MBD5: variants seen among roughly 807,000 people sequenced by gnomAD.
The protein encoded by MBD5 is methyl-CpG binding domain protein 5, also known as methyl-CpG-binding domain protein 5.
A neutral mutation model predicts 117.3 loss-of-function variants in MBD5; 13 were observed. That is an observed-to-expected ratio of 0.11 (90% CI 0.07 to 0.18). MBD5 has a LOEUF of 0.18. Ranked by LOEUF, MBD5 falls within the 10% of genes least tolerant of loss-of-function variation. The pLI is 1.00. For missense variants in MBD5, 1,879 were observed against 2,093.8 expected (o/e 0.90, Z 2.00); for synonymous variants, 727 against 766.4 (o/e 0.95, Z 0.85).
chr2:148,160,144 A>C (rs1697971611), intron 1 of MBD5, among the ~76,000 whole-genome samples: 1 of 152,218 alleles, frequency 6.6e-6, no homozygotes, highest in African/African-American at 2.4e-5. Flanking sequence ...TCACGCCTGT[A>C]ATCCCAGCAC....
chr2:148,326,229 A>G (rs1341421915), intron 3 of MBD5, among the ~76,000 whole-genome samples: 3 of 152,142 alleles, frequency 2.0e-5, no homozygotes, highest in Non-Finnish European at 4.4e-5. Flanking sequence ...GTTCTTTTAC[A>G]TTTGCTGAGG....
At chr2:148,042,238 C>G (rs1002093845) in intron 1 of MBD5, among the ~76,000 whole-genome samples, 4 of 152,158 alleles carry the variant, frequency 2.6e-5, no homozygotes, top group African/African-American at 9.7e-5. Context: ...GGCACTCTTA[C>G]ACTAAGAGTT....
chr2:148,425,437 A>G (rs1282221648), intron 4 of MBD5, among the ~76,000 whole-genome samples: 1 of 152,232 alleles, frequency 6.6e-6, no homozygotes, highest in Non-Finnish European at 1.5e-5. Context: ...ACAGGTTCAC[A>G]GCCAAATTCT....
In MBD5 at chr2:148,227,640, A is replaced by G. The variant is rs1020460121; in HGVS notation, c.-830-5605A>G. Among the ~76,000 whole-genome samples, 104 of 152,268 alleles carry G rather than the reference A, an allele frequency of 6.8e-4. 2 individuals carry two copies. Among genetic ancestry groups the G allele is most frequent in the African/African-American group, 2.5e-3 (103 of 41,538 alleles). On this transcript the variant is annotated intron_variant, in intron 2 of 13. Coordinates refer to ENST00000642680, the MANE Select transcript of MBD5 (RefSeq NM_001378120.1). ...ATGAACTTTAAAGTAGATTTTTCCA[A>G]TTCTGTGAAGAAAGTCTTTGGTAGC... is the stretch of plus-strand genomic sequence containing the variant.
chr2:148,397,778 A>G (rs1704774261), intron 4 of MBD5, among the ~76,000 whole-genome samples: 1 of 151,546 alleles, frequency 6.6e-6, no homozygotes, highest in Non-Finnish European at 1.5e-5. Flanking sequence ...CATTAGGTAT[A>G]TCTCCTAATC....
At chr2:148,040,613 A>G (rs1694329423) in intron 1 of MBD5, among the ~76,000 whole-genome samples, 1 of 152,192 alleles carries the variant, frequency 6.6e-6, no homozygotes, top group African/African-American at 2.4e-5. Flanking sequence ...AGCCAACATT[A>G]TTTCTGTTAT....
At chr2:148,228,279 C>T (rs1333414285) in intron 2 of MBD5, among the ~76,000 whole-genome samples, 6 of 152,120 alleles carry the variant, frequency 3.9e-5, no homozygotes, top group African/African-American at 1.2e-4. Flanking sequence ...TTTTGAGATA[C>T]GTCCCATCAA....
chr2:148,463,993 GC>G, intron 7 of MBD5, 74 bp downstream of exon 7: 1 of 1,489,422 alleles, frequency 6.7e-7, no homozygotes, highest in Non-Finnish European at 9.2e-7. Flanking sequence ...ATTTTGCCTA[GC>G]ATTTTCTCAT....
intron 8 of MBD5, among the ~76,000 whole-genome samples, chr2:148,475,402 T>C (rs1317212052): frequency 1.3e-5 from 2 of 152,058 alleles, no homozygotes; most frequent in African/African-American, 4.8e-5. Context: ...TCTCCTAATA[T>C]CAGGGTTTCA....
chr2:148,290,638 T>G (rs1701479325), intron 3 of MBD5, among the ~76,000 whole-genome samples: 1 of 152,198 alleles, frequency 6.6e-6, no homozygotes, highest in Non-Finnish European at 1.5e-5. Flanking sequence ...CTTCATTTCC[T>G]TTTACTCAGT....
At chr2:148,204,373 C>T (rs1699222606) in intron 2 of MBD5, among the ~76,000 whole-genome samples, 1 of 151,808 alleles carries the variant, frequency 6.6e-6, no homozygotes, top group African/African-American at 2.4e-5. Flanking sequence ...TATAGATAGA[C>T]TGAGACAGAG....
chr2:148,377,690 T>C (rs1704029847), intron 4 of MBD5, among the ~76,000 whole-genome samples: 1 of 152,208 alleles, frequency 6.6e-6, no homozygotes, highest in African/African-American at 2.4e-5. Context: ...AAAATTCTCT[T>C]TGCTATGGAG....
At chr2:148,133,642 G>A (rs897015190) in intron 1 of MBD5, among the ~76,000 whole-genome samples, 2 of 152,104 alleles carry the variant, frequency 1.3e-5, no homozygotes, top group African/African-American at 4.8e-5. Flanking sequence ...TGACCAACGT[G>A]GTGAAACCCC....
chr2:148,405,478 C>T (rs946209586), intron 4 of MBD5, among the ~76,000 whole-genome samples: 7 of 152,064 alleles, frequency 4.6e-5, no homozygotes, highest in East Asian at 1.9e-4. Flanking sequence ...GCCAGGAAAA[C>T]GGAACAGCAA....
At chr2:148,460,460 G>T (rs894124880) in intron 5 of MBD5, among the ~76,000 whole-genome samples, 1 of 152,084 alleles carries the variant, frequency 6.6e-6, no homozygotes, top group Non-Finnish European at 1.5e-5. Context: ...AAATTAACCA[G>T]CATAGATTTA....
At chr2:148,109,606 T>C (rs1696460937) in intron 1 of MBD5, among the ~76,000 whole-genome samples, 1 of 152,188 alleles carries the variant, frequency 6.6e-6, no homozygotes, top group Non-Finnish European at 1.5e-5. Flanking sequence ...GCCACGATTA[T>C]ATATAACCAT....
intron 4 of MBD5, among the ~76,000 whole-genome samples, chr2:148,453,302 A>G (rs576948958): frequency 6.6e-6 from 1 of 152,276 alleles, no homozygotes; most frequent in South Asian, 2.1e-4. Context: ...CAAGTTGCTA[A>G]AATTCAATCC....
intron 11 of MBD5, among the ~76,000 whole-genome samples, chr2:148,491,194 T>A (rs1420251469): frequency 6.6e-6 from 1 of 151,186 alleles, no homozygotes; most frequent in African/African-American, 2.5e-5. Context: ...TTTAACCTCA[T>A]AGTCTGGTTC....
At chr2:148,248,997 A>G (rs1353430280) in intron 3 of MBD5, among the ~76,000 whole-genome samples, 1 of 152,150 alleles carries the variant, frequency 6.6e-6, no homozygotes, top group Non-Finnish European at 1.5e-5. Context: ...TCATATGTAA[A>G]TATCAACTCT....
Sources: allele counts gnomAD v4.1 joint callset (sites outside exome capture counted in the v4.1 genomes callset), GRCh38; gene constraint gnomAD v4.1.1; transcripts MANE v1.5; gene names NCBI Gene and HGNC (gene_info 2026-07-23, HGNC 2026-07-21).